CEP70: variants seen among roughly 807,000 people sequenced by gnomAD.
CEP70 encodes the protein centrosomal protein 70, also known as centrosomal protein of 70 kDa.
CEP70 carries 70 observed loss-of-function variants against 90.9 expected under a neutral mutation model. The observed-to-expected ratio is 0.77, with a 90% CI of 0.64 to 0.94. CEP70 has a LOEUF of 0.94. CEP70 is among the 40% of genes least tolerant of loss of function. CEP70 has a pLI of 0.00. For missense variants in CEP70, 648 were observed against 669.0 expected (o/e 0.97, Z 0.35); for synonymous variants, 220 against 228.3 (o/e 0.96, Z 0.33).
chr3:138,512,887 G>A (rs760907246), intron 11 of CEP70, among the ~76,000 whole-genome samples: 43 of 152,132 alleles, frequency 2.8e-4, no homozygotes, highest in Non-Finnish European at 5.9e-4. Context: ...TTAGCTACAT[G>A]CAAAACACAT....
chr3:138,546,890 C>T (rs946673320), intron 6 of CEP70, among the ~76,000 whole-genome samples: 2 of 152,192 alleles, frequency 1.3e-5, no homozygotes, highest in African/African-American at 4.8e-5. Flanking sequence ...TGGAACAGGA[C>T]ACTCATGTCT....
intron 5 of CEP70, 94 bp downstream of exon 5, chr3:138,570,940 C>A: frequency 9.3e-7 from 1 of 1,080,564 alleles, no homozygotes; most frequent in Non-Finnish European, 1.3e-6. Context: ...AATATTTAAT[C>A]AAAATGGGAA....
chr3:138,590,661 A>T (rs79204482), intron 2 of CEP70, among the ~76,000 whole-genome samples: 1 of 151,872 alleles, frequency 6.6e-6, no homozygotes, highest in Admixed American at 6.6e-5. Context: ...AAAAAAAAAA[A>T]ATAGCCGATC....
At chr3:138,527,470 G>A (rs57516770) in intron 10 of CEP70, among the ~76,000 whole-genome samples, 8,866 of 151,704 alleles carry the variant, frequency 0.058, 628 homozygotes, top group East Asian at 0.39. Flanking sequence ...CGAGGCGGGC[G>A]GATCACGAGG....
At chr3:138,560,944 G>A (rs78101596) in intron 6 of CEP70, among the ~76,000 whole-genome samples, 1,841 of 152,254 alleles carry the variant, frequency 0.012, 41 homozygotes, top group African/African-American at 0.041. Context: ...TGGGCACAGC[G>A]TCAGCAGACT....
At chr3:138,538,318 C>G (rs1425392530) in intron 6 of CEP70, among the ~76,000 whole-genome samples, 3 of 152,166 alleles carry the variant, frequency 2.0e-5, no homozygotes, top group Admixed American at 6.5e-5. Flanking sequence ...GAGGTACACT[C>G]TACAGGTTCG....
intron 7 of CEP70, among the ~76,000 whole-genome samples, chr3:138,535,156 G>A (rs1486446507): frequency 6.6e-6 from 1 of 152,150 alleles, no homozygotes; most frequent in Non-Finnish European, 1.5e-5. Context: ...AGAATCTCAT[G>A]TATCCTATGT....
intron 11 of CEP70, among the ~76,000 whole-genome samples, chr3:138,517,455 G>GAA (rs2036140635): frequency 6.9e-6 from 1 of 145,494 alleles, no homozygotes; most frequent in African/African-American, 2.5e-5. Flanking sequence ...GGATCACGAG[G>GAA]TCAGGAGATC....
intron 17 of CEP70, 132 bp from the exon 18 acceptor site, chr3:138,495,208 A>T (rs1055168333): frequency 1.7e-6 from 1 of 578,680 alleles, no homozygotes; most frequent in African/African-American, 1.9e-5. Flanking sequence ...TGTGCACATG[A>T]AGTTTTTCTC....
rs113345571 is a variant in CEP70, at chr3:138,575,057, G to A, written c.-5-2125C>T. Among the ~76,000 whole-genome samples, 6 of 152,086 alleles carry A rather than the reference G, an allele frequency of 3.9e-5. No individual in the cohort carries two copies. In the East Asian group the frequency reaches 5.8e-4, roughly 15 times the overall value. ...AGCGCCTCTTCTCCTCCAAAGGATC[G>A]CAGCTCCTCACTAGCAACAGAACAA... is the stretch of plus-strand genomic sequence containing the variant. On this transcript the variant is annotated intron_variant, in intron 2 of 17. Transcript: ENST00000264982.
chr3:138,571,130 G>T lies in CEP70; in HGVS notation c.188C>A (p.Ser63Ter). The T allele has an allele frequency of 6.3e-7, 1 of 1,597,782 alleles. No individual in the cohort carries two copies. The highest frequency in any genetic ancestry group is 1.1e-5 in the South Asian group (1 of 89,386). Residue 63 changes from serine (S) to a stop codon, truncating the protein, a stop_gained, in exon 5 of 18, where the codon TCA becomes TAA. Transcript: ENST00000264982. LOFTEE classifies it high-confidence loss of function. ...KDLIIFDKQS[S>*]QRMRQNLKLL... Reference sequence around the variant, plus strand: ...TTTCAAATTCTGTCTCATCCTTTGTGATGACTGTTTGTCAAAAATGATGAG... The same window carrying T: ...TTTCAAATTCTGTCTCATCCTTTGTTATGACTGTTTGTCAAAAATGATGAG...
intron 2 of CEP70, among the ~76,000 whole-genome samples, chr3:138,575,484 C>G (rs1243610412): frequency 1.3e-5 from 2 of 152,054 alleles, no homozygotes; most frequent in African/African-American, 2.4e-5. Context: ...TTTGGTGTAC[C>G]CAAAAGTGAT....
intron 2 of CEP70, among the ~76,000 whole-genome samples, chr3:138,581,893 A>T (rs188555532): frequency 4.6e-5 from 7 of 152,148 alleles, no homozygotes; most frequent in Admixed American, 3.9e-4. Flanking sequence ...AGAAAAAAAA[A>T]ATTCTGTAAG....
intron 14 of CEP70, 72 bp downstream of exon 14, chr3:138,500,663 A>G (rs2034422047): frequency 6.7e-7 from 1 of 1,490,540 alleles, no homozygotes; most frequent in South Asian, 1.4e-5. Flanking sequence ...AGTAGAACAA[A>G]TATCAATATC....
intron 6 of CEP70, among the ~76,000 whole-genome samples, chr3:138,552,666 C>T (rs995078924): frequency 6.6e-6 from 1 of 152,028 alleles, no homozygotes; most frequent in Admixed American, 6.6e-5. Context: ...CTCTGGGATA[C>T]AGTAAAGGTG....
chr3:138,578,790 C>T (rs1020480318), intron 2 of CEP70, among the ~76,000 whole-genome samples: 7 of 152,256 alleles, frequency 4.6e-5, no homozygotes, highest in African/African-American at 1.7e-4. Context: ...GGTCTAACCC[C>T]ATCAAAAGTT....
chr3:138,534,318 T>C (rs899790740), intron 7 of CEP70, among the ~76,000 whole-genome samples: 1 of 152,174 alleles, frequency 6.6e-6, no homozygotes, highest in African/African-American at 2.4e-5. Flanking sequence ...CAATTACTCT[T>C]TTTCTCTTCA....
chr3:138,515,991 A>G (rs1376024512), intron 11 of CEP70, among the ~76,000 whole-genome samples: 1 of 152,112 alleles, frequency 6.6e-6, no homozygotes, highest in East Asian at 1.9e-4. Flanking sequence ...ATGAAGTCCT[A>G]TTAGTTCTAC....
At chr3:138,577,778 T>A (rs1576920387) in intron 2 of CEP70, among the ~76,000 whole-genome samples, 1 of 152,314 alleles carries the variant, frequency 6.6e-6, no homozygotes, top group East Asian at 1.9e-4. Context: ...ATTACATTAA[T>A]CATGAATGGC....
Sources: gnomAD v4.1 joint callset for allele counts (sites outside exome capture counted in the v4.1 genomes callset) on GRCh38, gnomAD v4.1.1 for gene constraint, MANE v1.5 for transcripts, NCBI Gene and HGNC (gene_info 2026-07-23, HGNC 2026-07-21) for gene names.